KIF4A: variants seen among roughly 807,000 people sequenced by gnomAD.
The protein encoded by KIF4A is chromosome-associated kinesin KIF4A.
Under a neutral mutation model 105.9 loss-of-function variants are expected in KIF4A, and 7 were observed. The ratio of observed to expected loss-of-function variants is 0.07; its 90% CI spans 0.04 to 0.12. KIF4A has a LOEUF of 0.12. Among genes scored for constraint, KIF4A ranks in the 10% least tolerant of loss-of-function variants. The pLI is 1.00. For synonymous variants in KIF4A, 281 were observed against 331.3 expected (o/e 0.85, Z 1.65); for missense variants, 558 against 929.2 (o/e 0.60, Z 5.19).
chrX:70,371,862 G>GCGGAGGGGC (rs1366246873), intron 15 of KIF4A, among the ~76,000 whole-genome samples: 2 of 101,754 alleles, frequency 2.0e-5, no homozygotes, highest in African/African-American at 3.6e-5. Context: ...CGGCTGCCGG[G>GCGGAGGGGC]TGGAGGGGCT....
chrX:70,417,962 T>C lies in KIF4A; in HGVS notation c.3330T>C (p.Cys1110=), dbSNP rs138871041. ...AAAAGTCAGACTGTGGTGTGGACTG[T>C]TGCTGTGACCCCACAAAGTGTCGGA... is the stretch of plus-strand genomic sequence containing the variant. ...RKQKSDCGVD[C]CCDPTKCRNR... Residue 1110 remains cysteine, a synonymous_variant, in exon 29 of 31, where the codon TGT becomes TGC. Coordinates refer to ENST00000374403, the MANE Select transcript of KIF4A (RefSeq NM_012310.5). 2.5e-4 allele frequency: 302 copies of C among 1,209,556 alleles called. 1 individual carries two copies. Among genetic ancestry groups the C allele is most frequent in the Non-Finnish European group, 6.3e-5 (56 of 894,975 alleles).
chrX:70,320,489 G>A (rs1484198040), intron 7 of KIF4A, among the ~76,000 whole-genome samples: 1 of 111,982 alleles, frequency 8.9e-6, no homozygotes, highest in Non-Finnish European at 1.9e-5. Flanking sequence ...ATACTATTGG[G>A]CCATAAAAAA....
intron 22 of KIF4A, among the ~76,000 whole-genome samples, chrX:70,401,281 T>G (rs1399868840): frequency 9.2e-6 from 1 of 108,391 alleles, no homozygotes. Flanking sequence ...GGTTTCACCA[T>G]GTTGGCCAGG....
chrX:70,342,312 T>C (rs2085975608), intron 11 of KIF4A, among the ~76,000 whole-genome samples: 1 of 112,534 alleles, frequency 8.9e-6, no homozygotes, highest in Non-Finnish European at 1.9e-5. Context: ...TCCATCTCTC[T>C]TCCCCTAATG....
chrX:70,385,403 A>G (rs1184804890), intron 18 of KIF4A, among the ~76,000 whole-genome samples: 1 of 112,102 alleles, frequency 8.9e-6, no homozygotes, highest in Non-Finnish European at 1.9e-5. Flanking sequence ...TTCTCTTTCC[A>G]CTGGACTAGC....
intron 20 of KIF4A, among the ~76,000 whole-genome samples, chrX:70,391,246 T>C (rs2086236420): frequency 8.9e-6 from 1 of 112,426 alleles, no homozygotes; most frequent in African/African-American, 3.2e-5. Flanking sequence ...TTTTGTATAT[T>C]AACTTTTATC....
intron 7 of KIF4A, among the ~76,000 whole-genome samples, chrX:70,311,427 C>T (rs796831157): frequency 9.1e-6 from 1 of 109,991 alleles, no homozygotes; most frequent in African/African-American, 3.4e-5. Context: ...GCTGAGTTTA[C>T]TTCTTTTCTT....
chrX:70,347,785 C>G (rs981765355), intron 13 of KIF4A, among the ~76,000 whole-genome samples: 1 of 100,752 alleles, frequency 9.9e-6, no homozygotes. Flanking sequence ...ACCATCCTGG[C>G]TAACAAGGTG....
rs769333706 is a variant in KIF4A at position 70,387,266 on chromosome X, G to A, written c.2201G>A (p.Arg734His). The change falls in exon 20 of 31, where the codon CGT (arginine) becomes CAT (histidine). Residue 734 changes from arginine to histidine, a missense_variant. By Grantham distance (29) the Arg-to-His change is conservative. Coordinates refer to ENST00000374403, the MANE Select transcript of KIF4A (RefSeq NM_012310.5). Reference protein sequence around the residue: ...VADKRKETQSRGMEGTAARVK... With the variant: ...VADKRKETQSHGMEGTAARVK... ...GATAAGCGGAAAGAGACTCAGAGCCGTGGAATGGAAGGCACTGCAGCTCGA... is the reference window on the plus strand; with the variant it reads ...GATAAGCGGAAAGAGACTCAGAGCCATGGAATGGAAGGCACTGCAGCTCGA... The A allele has an allele frequency of 3.1e-5, 37 of 1,185,625 alleles. No individual in the cohort carries two copies. Among genetic ancestry groups the A allele is most frequent in the East Asian group, 6.2e-5 (2 of 32,146 alleles).
chrX:70,324,367 G>A (rs186615611), intron 7 of KIF4A, among the ~76,000 whole-genome samples: 74 of 112,122 alleles, frequency 6.6e-4, no homozygotes, highest in South Asian at 3.7e-4. Flanking sequence ...CCTGTGCCCC[G>A]CACTGTGCCT....
At chrX:70,291,368 G>T in intron 3 of KIF4A, among the ~76,000 whole-genome samples, 1 of 111,290 alleles carries the variant, frequency 9.0e-6, no homozygotes, top group Non-Finnish European at 1.9e-5. Flanking sequence ...CAAAAGGATG[G>T]CTCTAACTCT....
At chrX:70,381,104 A>G (rs1375792610) in intron 18 of KIF4A, among the ~76,000 whole-genome samples, 1 of 112,085 alleles carries the variant, frequency 8.9e-6, no homozygotes, top group Admixed American at 9.5e-5. Flanking sequence ...AGCTGAGATC[A>G]GGCCACTGCA....
At chrX:70,302,486 A>G in intron 7 of KIF4A, 88 bp downstream of exon 7, 1 of 905,322 alleles carries the variant, frequency 1.1e-6, no homozygotes, top group Non-Finnish European at 1.6e-6. Context: ...GGGATTTGAG[A>G]TCACATTCTA....
intron 15 of KIF4A, among the ~76,000 whole-genome samples, chrX:70,359,437 T>C (rs1199433): frequency 0.13 from 13,516 of 104,420 alleles, 1,785 homozygotes; most frequent in African/African-American, 0.37. Flanking sequence ...CTTTCTTTCT[T>C]TCTCTCTCTC....
chrX:70,396,747 A>T (rs1020048452), intron 22 of KIF4A, among the ~76,000 whole-genome samples: 1 of 112,452 alleles, frequency 8.9e-6, no homozygotes, highest in African/African-American at 3.2e-5. Flanking sequence ...TGAAATTAGT[A>T]AAGTGCATAA....
chrX:70,301,169 G>C (rs888282528), intron 5 of KIF4A, among the ~76,000 whole-genome samples: 1 of 111,720 alleles, frequency 9.0e-6, no homozygotes, highest in Non-Finnish European at 1.9e-5. Flanking sequence ...GAGAGAATTA[G>C]TGTTTGTGGG....
At chrX:70,333,773 C>A in intron 10 of KIF4A, 84 bp downstream of exon 10, 1 of 655,658 alleles carries the variant, frequency 1.5e-6, no homozygotes, top group Non-Finnish European at 2.4e-6. Context: ...TTTCTGCTAG[C>A]ACTTGGTGTC....
intron 13 of KIF4A, among the ~76,000 whole-genome samples, chrX:70,345,190 G>A (rs1015042469): frequency 1.8e-5 from 2 of 112,176 alleles, no homozygotes; most frequent in East Asian, 2.8e-4. Context: ...TCATCTGGGC[G>A]CAGTAGCTCT....
At chrX:70,303,313 C>G (rs2085811762) in intron 7 of KIF4A, among the ~76,000 whole-genome samples, 1 of 112,062 alleles carries the variant, frequency 8.9e-6, no homozygotes, top group African/African-American at 3.2e-5. Flanking sequence ...GACATAGCTT[C>G]AGCAGTCTCG....
Sources: allele counts gnomAD v4.1 joint callset (sites outside exome capture counted in the v4.1 genomes callset), GRCh38; gene constraint gnomAD v4.1.1; transcripts MANE v1.5; gene names NCBI Gene and HGNC (gene_info 2026-07-23, HGNC 2026-07-21).